CHSY3: variants seen among roughly 807,000 people sequenced by gnomAD.
The protein encoded by CHSY3 is N-acetylgalactosaminyl-proteoglycan 3-beta-glucuronosyltransferase 3.
Under a neutral mutation model 67.2 loss-of-function variants are expected in CHSY3, and 35 were observed. The ratio of observed to expected loss-of-function variants is 0.52; its 90% CI spans 0.40 to 0.69. CHSY3 has a LOEUF of 0.69. Ranked by LOEUF, CHSY3 falls within the 30% of genes least tolerant of loss-of-function variation. The probability of loss-of-function intolerance (pLI) is 0.00; values close to 1 mark genes in which losing one functional copy is unlikely to be tolerated. For synonymous variants in CHSY3, 474 were observed against 434.7 expected, an observed-to-expected ratio of 1.09 and a Z score of -1.12; for missense variants, 1,069 against 1,138.5, an observed-to-expected ratio of 0.94 and a Z score of 0.88.
intron 2 of CHSY3, among the ~76,000 whole-genome samples, chr5:129,920,100 C>T (rs993339232): frequency 1.3e-5 from 2 of 152,124 alleles, no homozygotes; most frequent in Admixed American, 1.3e-4. Flanking sequence ...TTGTCATCCC[C>T]CTATTTACCC....
chr5:130,073,103 G>T (rs1337531234), intron 2 of CHSY3, among the ~76,000 whole-genome samples: 1 of 152,096 alleles, frequency 6.6e-6, no homozygotes, highest in African/African-American at 2.4e-5. Context: ...GACCACTGTT[G>T]TTAGTAGTGT....
intron 2 of CHSY3, among the ~76,000 whole-genome samples, chr5:129,933,565 A>G (rs543826706): frequency 6.6e-6 from 1 of 152,302 alleles, no homozygotes; most frequent in South Asian, 2.1e-4. Flanking sequence ...CTTTTAGTCA[A>G]AGTAATGTTA....
At chr5:129,977,161 C>G (rs2149618771) in intron 2 of CHSY3, among the ~76,000 whole-genome samples, 1 of 152,116 alleles carries the variant, frequency 6.6e-6, no homozygotes, top group Non-Finnish European at 1.5e-5. Flanking sequence ...GGGATGTGTT[C>G]CAAAGGTCCA....
At chr5:129,921,500 T>G (rs942362422) in intron 2 of CHSY3, among the ~76,000 whole-genome samples, 1 of 152,212 alleles carries the variant, frequency 6.6e-6, no homozygotes, top group Non-Finnish European at 1.5e-5. Flanking sequence ...TTTGTGTATT[T>G]CTAGAATTTT....
chr5:129,949,993 A>C (rs1580569222), intron 2 of CHSY3, among the ~76,000 whole-genome samples: 1 of 151,896 alleles, frequency 6.6e-6, no homozygotes. Context: ...GTGAAACCTC[A>C]TCTCTACTAA....
At chr5:130,134,298 G>A (rs905025190) in intron 2 of CHSY3, among the ~76,000 whole-genome samples, 14 of 152,260 alleles carry the variant, frequency 9.2e-5, no homozygotes, top group African/African-American at 3.4e-4. Context: ...GTTTCCATTT[G>A]AAAGGTCATA....
At chr5:130,150,353 A>G (rs1451310291) in intron 2 of CHSY3, among the ~76,000 whole-genome samples, 1 of 152,194 alleles carries the variant, frequency 6.6e-6, no homozygotes, top group Non-Finnish European at 1.5e-5. Context: ...AACAAGTAAT[A>G]TCTAGCCACA....
intron 2 of CHSY3, among the ~76,000 whole-genome samples, chr5:130,084,920 G>A (rs568012406): frequency 6.3e-4 from 96 of 152,106 alleles, no homozygotes; most frequent in African/African-American, 2.2e-3. Context: ...CCAGGTAGCA[G>A]GCTTCAGAGA....
chr5:130,086,833 T>G (rs1453595651), intron 2 of CHSY3, among the ~76,000 whole-genome samples: 2 of 151,578 alleles, frequency 1.3e-5, no homozygotes, highest in Non-Finnish European at 2.9e-5. Flanking sequence ...TTCCAATCAA[T>G]AGAAAAAGAG....
At chr5:129,929,522 CTCA>C (rs1761229490) in intron 2 of CHSY3, among the ~76,000 whole-genome samples, 2 of 152,150 alleles carry the variant, frequency 1.3e-5, no homozygotes, top group Admixed American at 6.5e-5. Flanking sequence ...ATTCTGAAAA[CTCA>C]TCATTGTAGT....
At chr5:130,184,186 A>G (rs1232079761) in intron 2 of CHSY3, 43 bp from the exon 3 acceptor site, 2 of 1,403,698 alleles carry the variant, frequency 1.4e-6, no homozygotes, top group Non-Finnish European at 1.9e-6. Context: ...TTTTAGATAA[A>G]TCTTTTAAAA....
chr5:130,024,137 CAAAA>C (rs5871376), intron 2 of CHSY3, among the ~76,000 whole-genome samples: 3 of 110,016 alleles, frequency 2.7e-5, no homozygotes, highest in African/African-American at 3.5e-5. Context: ...GATTGATGGT[CAAAA>C]AAAAAAAAAA....
intron 2 of CHSY3, among the ~76,000 whole-genome samples, chr5:130,122,840 A>T (rs1040853611): frequency 6.6e-6 from 1 of 152,244 alleles, no homozygotes; most frequent in Non-Finnish European, 1.5e-5. Context: ...AACACATATT[A>T]GAAGCTATGT....
At position 130,055,788 on chromosome 5, in the gene CHSY3, G is replaced by A. The variant is rs149204121; in HGVS notation, c.1087-128441G>A. The stretch of plus-strand genomic sequence containing the variant: ...TCCAGGCGAAATGCCATTGAGTCCC[G>A]GACATTTTAACAAGATGATGTATTC... On this transcript the variant is annotated intron_variant, in intron 2 of 2. Coordinates refer to ENST00000305031, the MANE Select transcript of CHSY3 (RefSeq NM_175856.5). Among the ~76,000 whole-genome samples, 315 of 152,052 alleles carry A rather than the reference G, an allele frequency of 2.1e-3. 3 individuals are homozygous for A. Among genetic ancestry groups the A allele is most frequent in the African/African-American group, 6.9e-3 (287 of 41,482 alleles).
chr5:130,014,964 C>A lies in CHSY3; in HGVS notation c.1086+106604C>A, dbSNP rs555035025. Among the ~76,000 whole-genome samples the A allele has an allele frequency of 5.7e-4, 87 of 152,248 alleles. 1 individual carries two copies. In the South Asian group the frequency reaches 6.8e-3, roughly 12 times the overall value. The stretch of plus-strand genomic sequence containing the variant: ...AATAATTTGCAAACCATACATCTGA[C>A]AAAGGTCAAATATCTATAATATATA... On this transcript the variant is annotated intron_variant, in intron 2 of 2. Coordinates refer to ENST00000305031, the MANE Select transcript of CHSY3 (RefSeq NM_175856.5).
chr5:130,119,070 G>A (rs1390022644), intron 2 of CHSY3, among the ~76,000 whole-genome samples: 4 of 152,092 alleles, frequency 2.6e-5, no homozygotes, highest in African/African-American at 4.8e-5. Flanking sequence ...CACTATCCTA[G>A]GAAGTTGAGG....
Position 130,184,907 on chromosome 5 carries a change from A to G in CHSY3, c.1765A>G (p.Ser589Gly), listed in dbSNP as rs1770367658. 6.5e-7 allele frequency: 1 copy of G among 1,538,330 alleles called. No homozygotes were observed. ...CAACAGTCTTGTGGAGAGTATTAAC[A>G]GTGAAACTCAGTCATTCTCCTTTAT... ...DVNSLVESIN[S>G]ETQSFSFISN... The change falls in exon 3 of 3, where the codon AGT (serine) becomes GGT (glycine). Residue 589 changes from serine (S) to glycine (G), a missense_variant. Transcript: ENST00000305031.
chr5:130,060,999 C>G (rs1765693919), intron 2 of CHSY3, among the ~76,000 whole-genome samples: 1 of 152,046 alleles, frequency 6.6e-6, no homozygotes, highest in African/African-American at 2.4e-5. Context: ...CTAAAGCAAT[C>G]TATAGACTCA....
At position 129,974,377 on chromosome 5, in the gene CHSY3, T is replaced by G. The variant is rs1762733477; in HGVS notation, c.1086+66017T>G. Reference sequence around the variant, plus strand: ...CGACCTTTAATATGAGTTAGACCAGTCAGAAGAACAGTAATTCCAACTGTA... The same window carrying G: ...CGACCTTTAATATGAGTTAGACCAGGCAGAAGAACAGTAATTCCAACTGTA... On this transcript the variant is annotated intron_variant, in intron 2 of 2. Transcript: ENST00000305031. Among the ~76,000 whole-genome samples the G allele has an allele frequency of 2.0e-5, 3 of 152,080 alleles. No homozygotes were observed. In the South Asian group the frequency reaches 6.2e-4, roughly 31 times the overall value.
Sources: gnomAD v4.1 joint callset for allele counts (sites outside exome capture counted in the v4.1 genomes callset) on GRCh38, gnomAD v4.1.1 for gene constraint, MANE v1.5 for transcripts, NCBI Gene and HGNC (gene_info 2026-07-23, HGNC 2026-07-21) for gene names.